The following SLC25A38 variants were observed in gnomAD, a reference collection of about 807,000 sequenced individuals.
SLC25A38 encodes mitochondrial glycine transporter.
In SLC25A38, 27 loss-of-function variants were observed where a neutral mutation model predicts 33.4. That is an observed-to-expected ratio of 0.81 (90% CI 0.60 to 1.11). SLC25A38 has a LOEUF of 1.11. SLC25A38 is among the 50% of genes most tolerant of loss of function. The pLI is 0.00. For missense variants in SLC25A38, 344 were observed against 388.8 expected (o/e 0.88, Z 0.97); for synonymous variants, 123 against 145.9 (o/e 0.84, Z 1.13).
intron 6 of SLC25A38, 59 bp from the exon 7 acceptor site, chr3:39,396,339 G>A (rs1360398928): frequency 9.9e-6 from 16 of 1,612,970 alleles, no homozygotes; most frequent in Non-Finnish European, 1.3e-5. Flanking sequence ...GGTACCAAGT[G>A]GATAATTAAT....
rs1304363200 is a variant in SLC25A38 at position 39,392,040 on chromosome 3, C to A, written c.625+19C>A. ...CCTCATGGTAGGGATAAAGGAAGAT[C>A]TGGGGAAGAGCTATCCTTGAGACAT... is the stretch of plus-strand genomic sequence containing the variant. On this transcript the variant is annotated intron_variant, in intron 5 of 6. Transcript: ENST00000650617. 2 of 1,613,898 alleles carry A rather than the reference C, an allele frequency of 1.2e-6. No individual in the cohort carries two copies. Among genetic ancestry groups the A allele is most frequent in the Non-Finnish European group, 8.5e-7 (1 of 1,179,940 alleles).
intron 1 of SLC25A38, chr3:39,384,384 G>A: frequency 3.2e-6 from 1 of 308,594 alleles, no homozygotes; most frequent in Non-Finnish European, 5.9e-6. Context: ...AGGCGGGGCT[G>A]GCGGCGTGGT....
intron 1 of SLC25A38, chr3:39,384,472 C>G (rs986126491): frequency 7.8e-6 from 3 of 384,064 alleles, no homozygotes; most frequent in Non-Finnish European, 9.2e-6. Flanking sequence ...CCGCAGCTCT[C>G]CCTCTGAGGT....
intron 2 of SLC25A38, 69 bp from the exon 3 acceptor site, chr3:39,390,354 G>C (rs1181116084): frequency 3.4e-6 from 5 of 1,486,152 alleles, no homozygotes; most frequent in Non-Finnish European, 4.7e-6. Flanking sequence ...TGTTTGAGTG[G>C]GGAATTGTTT....
Position 39,389,429 on chromosome 3 carries a change from C to G in SLC25A38, c.70-66C>G. Reference sequence around the variant, plus strand: ...GACCATTATAAAGGAATTTGCTGGTCAGGTATAGAGAAAGGTGAGGCTCAC... The same window carrying G: ...GACCATTATAAAGGAATTTGCTGGTGAGGTATAGAGAAAGGTGAGGCTCAC... On this transcript the variant is annotated intron_variant, in intron 1 of 6. Transcript: ENST00000650617. The surrounding 1 kb of genome is among the most constrained non-coding windows in gnomAD (Gnocchi z 4.5). 6.2e-7 allele frequency: 1 copy of G among 1,613,394 alleles called. No homozygotes were observed. The highest frequency in any genetic ancestry group is 1.3e-5 in the African/African-American group (1 of 75,050).
At chr3:39,396,043 CA>C (rs1247706076) in intron 6 of SLC25A38, among the ~76,000 whole-genome samples, 1 of 151,940 alleles carries the variant, frequency 6.6e-6, no homozygotes, top group Non-Finnish European at 1.5e-5. Context: ...AACCCCATCT[CA>C]ACTAAAAATA....
intron 3 of SLC25A38, 33 bp downstream of exon 3, chr3:39,390,540 A>G: frequency 1.3e-6 from 2 of 1,598,852 alleles, no homozygotes; most frequent in Non-Finnish European, 8.6e-7. Flanking sequence ...GTTCCCTAGC[A>G]TCCACTCCTT....
chr3:39,396,557 C>T lies in SLC25A38; in HGVS notation c.*37C>T. The T allele has an allele frequency of 6.2e-7, 1 of 1,613,620 alleles. No individual in the cohort carries two copies. The highest frequency in any genetic ancestry group is 1.7e-5 in the Admixed American group (1 of 60,010). On this transcript the variant is annotated 3_prime_UTR_variant, in exon 7 of 7. Transcript: ENST00000650617. The stretch of plus-strand genomic sequence containing the variant: ...CTGGGAACGGGTGAAATCTGTTGCC[C>T]TGCTTGGTTTCTGCCAAGGGCTGCT...
Position 39,383,516 on chromosome 3 carries a change from A to G in SLC25A38, c.-209A>G, listed in dbSNP as rs143903497. ...AAGAGCGGCGCGTAATTCCCGCAGCAAGATTGTTCCGCGCCCGCAGCCCCT... is the reference window on the plus strand; with the variant it reads ...AAGAGCGGCGCGTAATTCCCGCAGCGAGATTGTTCCGCGCCCGCAGCCCCT... On this transcript the variant is annotated 5_prime_UTR_variant, in exon 1 of 7. Coordinates refer to ENST00000650617, the MANE Select transcript of SLC25A38 (RefSeq NM_017875.4). 2,620 of 602,650 alleles carry G rather than the reference A, an allele frequency of 4.3e-3. 60 individuals are homozygous for G. In the African/African-American group the frequency reaches 0.044, roughly 10 times the overall value. The allele number at this position is 602,650 out of a possible 1,614,324, so 37.3% of individuals were successfully genotyped here.
intron 6 of SLC25A38, among the ~76,000 whole-genome samples, chr3:39,394,971 A>T (rs1336985645): frequency 6.6e-6 from 1 of 151,842 alleles, no homozygotes; most frequent in East Asian, 1.9e-4. Flanking sequence ...GGAAAAAAAA[A>T]ACCCACACAA....
In SLC25A38 at chr3:39,397,207, T is replaced by C. The variant is rs1030806881; in HGVS notation, c.*687T>C. The C allele has an allele frequency of 6.5e-6, 1 of 153,254 alleles. No homozygotes were observed. The highest frequency in any genetic ancestry group is 2.4e-5 in the African/African-American group (1 of 41,458). The allele number at this position is 153,254 out of a possible 1,614,324, so 9.5% of individuals were successfully genotyped here. Reference sequence around the variant, plus strand: ...TACTTTATTTATTGAACTTTATCATTGAAAGCTGTTTGGAAAACCTAAAAG... The same window carrying C: ...TACTTTATTTATTGAACTTTATCATCGAAAGCTGTTTGGAAAACCTAAAAG... On this transcript the variant is annotated 3_prime_UTR_variant, in exon 7 of 7. Coordinates refer to ENST00000650617, the MANE Select transcript of SLC25A38 (RefSeq NM_017875.4).
intron 1 of SLC25A38, among the ~76,000 whole-genome samples, chr3:39,388,699 G>T (rs1245724221): frequency 6.6e-6 from 1 of 152,164 alleles, no homozygotes; most frequent in Admixed American, 6.5e-5. Context: ...TGGATTTTAA[G>T]TACCTTTTCA....
In SLC25A38 at chr3:39,389,552, C is replaced by T; in HGVS notation, c.127C>T (p.Leu43Phe). The change falls in exon 2 of 7, where the codon CTC becomes TTC. Residue 43 changes from leucine (L) to phenylalanine (F), a missense_variant. Coordinates refer to ENST00000650617, the MANE Select transcript of SLC25A38 (RefSeq NM_017875.4). The surrounding 1 kb of genome is among the most constrained non-coding windows in gnomAD (Gnocchi z 4.5). ...CTCCATCAGTGGGACCTGCTCTACCCTCCTTTTCCAACCTCTGGATCTCCT... is the reference window on the plus strand; with the variant it reads ...CTCCATCAGTGGGACCTGCTCTACCTTCCTTTTCCAACCTCTGGATCTCCT... The part of the protein sequence containing the change: ...CGSISGTCST[L>F]LFQPLDLLKT... 4.3e-6 allele frequency: 7 copies of T among 1,614,196 alleles called. No homozygotes were observed. Among genetic ancestry groups the T allele is most frequent in the Non-Finnish European group, 5.9e-6 (7 of 1,180,048 alleles).
In SLC25A38 at chr3:39,390,478, CTT is replaced by C; in HGVS notation, c.250_251del (p.Leu84GlyfsTer68). 6.2e-7 allele frequency: 1 copy of C among 1,614,164 alleles called. No homozygotes were observed. ...VLLKVVRTES[L>X]LGLWKGMSPS... ...CTTGAAGGTGGTTCGCACGGAGAGT[CTT>C]TTGGGCCTTTGGAAAGGGATGTCCC... On this transcript the variant is annotated frameshift_variant, in exon 3 of 7. Transcript: ENST00000650617. LOFTEE classifies it high-confidence loss of function.
chr3:39,394,867 T>C (rs2041810415), intron 6 of SLC25A38, among the ~76,000 whole-genome samples: 1 of 152,130 alleles, frequency 6.6e-6, no homozygotes, highest in African/African-American at 2.4e-5. Context: ...CACTGCAGAT[T>C]GCTGAACTCT....
chr3:39,394,793 A>G (rs1490900596), intron 6 of SLC25A38, among the ~76,000 whole-genome samples: 4 of 152,198 alleles, frequency 2.6e-5, no homozygotes, highest in Non-Finnish European at 5.9e-5. Context: ...TGAAAACCAC[A>G]AAATTGATAT....
chr3:39,393,618 G>T (rs1171331460), intron 5 of SLC25A38, among the ~76,000 whole-genome samples: 1 of 152,284 alleles, frequency 6.6e-6, no homozygotes, highest in East Asian at 1.9e-4. Context: ...TTGTGCCTCA[G>T]CCTCTGGAGT....
intron 5 of SLC25A38, among the ~76,000 whole-genome samples, chr3:39,394,101 A>C (rs1002232412): frequency 6.6e-6 from 1 of 152,182 alleles, no homozygotes; most frequent in Non-Finnish European, 1.5e-5. Context: ...TGTAATGTCT[A>C]AGTATCTTTG....
At chr3:39,388,973 G>C (rs1315118070) in intron 1 of SLC25A38, among the ~76,000 whole-genome samples, 2 of 152,088 alleles carry the variant, frequency 1.3e-5, no homozygotes, top group Non-Finnish European at 2.9e-5. Flanking sequence ...AGATGGTAAG[G>C]GGAAAGTTTT....
Sources: allele counts gnomAD v4.1 joint callset (sites outside exome capture counted in the v4.1 genomes callset), GRCh38; gene constraint gnomAD v4.1.1; non-coding constraint Gnocchi (gnomAD v3.1); transcripts MANE v1.5; gene names NCBI Gene and HGNC (gene_info 2026-07-23, HGNC 2026-07-21).